The following GNA14 variants were observed in gnomAD, a reference collection of about 807,000 sequenced individuals.
GNA14 encodes G protein subunit alpha 14.
GNA14 carries 50 observed loss-of-function variants against 42.0 expected under a neutral mutation model. That is an observed-to-expected ratio of 1.19 (90% CI 0.95 to 1.51). GNA14 has a LOEUF of 1.51. Among genes scored for constraint, GNA14 ranks in the 40% most tolerant of loss-of-function variants. The pLI, the probability that GNA14 is intolerant of heterozygous loss-of-function variation, is 0.00. For synonymous variants in GNA14, 173 were observed against 163.1 expected (o/e 1.06, Z -0.46); for missense variants, 473 against 446.2 (o/e 1.06, Z -0.54).
At chr9:77,512,911 C>A (rs1167751063) in intron 2 of GNA14, among the ~76,000 whole-genome samples, 1 of 152,172 alleles carries the variant, frequency 6.6e-6, no homozygotes. Context: ...TAATCTCTGG[C>A]TTGTTTACTT....
chr9:77,636,779 G>A (rs528479489), intron 1 of GNA14, among the ~76,000 whole-genome samples: 1 of 152,234 alleles, frequency 6.6e-6, no homozygotes, highest in East Asian at 1.9e-4. Flanking sequence ...TAAACACCTC[G>A]CAGCAGGTCC....
intron 2 of GNA14, among the ~76,000 whole-genome samples, chr9:77,450,360 C>T (rs1235539426): frequency 6.6e-6 from 1 of 152,104 alleles, no homozygotes; most frequent in Admixed American, 6.6e-5. Flanking sequence ...GGGCAGAGAC[C>T]GTAATCCTCA....
chr9:77,598,067 T>G (rs1823495920), intron 1 of GNA14, among the ~76,000 whole-genome samples: 1 of 152,070 alleles, frequency 6.6e-6, no homozygotes, highest in Non-Finnish European at 1.5e-5. Flanking sequence ...AGCAAAAAAC[T>G]TTTTTGTCAA....
chr9:77,429,046 A>G lies in GNA14; in HGVS notation c.594-10T>C. 2 of 1,613,840 alleles carry G rather than the reference A, an allele frequency of 1.2e-6. No homozygotes were observed. The highest frequency in any genetic ancestry group is 1.7e-6 in the Non-Finnish European group (2 of 1,179,790). On this transcript the variant is annotated splice_polypyrimidine_tract_variant and intron_variant, in intron 4 of 6. Coordinates refer to ENST00000341700, the MANE Select transcript of GNA14 (RefSeq NM_004297.4). Reference sequence around the variant, plus strand: ...ACCAACATCCACCATCCTGTTGTGTAGAAACACAGATCCTTCAAAGGTTGG... The same window carrying G: ...ACCAACATCCACCATCCTGTTGTGTGGAAACACAGATCCTTCAAAGGTTGG...
chr9:77,605,997 T>C (rs1298409728), intron 1 of GNA14, among the ~76,000 whole-genome samples: 1 of 152,228 alleles, frequency 6.6e-6, no homozygotes, highest in African/African-American at 2.4e-5. Flanking sequence ...GATATCTCCC[T>C]TTCCTGTTAA....
rs76355580 is a variant in GNA14, at chr9:77,433,650, G to C, written c.464+718C>G. Among the ~76,000 whole-genome samples the C allele has an allele frequency of 6.1e-3, 933 of 152,214 alleles. 8 individuals carry two copies. The highest frequency in any genetic ancestry group is 0.015 in the African/African-American group (641 of 41,550). Reference sequence around the variant, plus strand: ...GTCCCTGGGATTACAGATGTGAACAGGAAATGCCCAAGAAAGTGAAAATCT... The same window carrying C: ...GTCCCTGGGATTACAGATGTGAACACGAAATGCCCAAGAAAGTGAAAATCT... On this transcript the variant is annotated intron_variant, in intron 3 of 6. Transcript: ENST00000341700.
intron 1 of GNA14, among the ~76,000 whole-genome samples, chr9:77,533,460 G>A (rs920254145): frequency 1.3e-5 from 2 of 152,234 alleles, no homozygotes; most frequent in African/African-American, 2.4e-5. Flanking sequence ...GATTACAGGC[G>A]TGAGCCACCA....
intron 1 of GNA14, among the ~76,000 whole-genome samples, chr9:77,541,940 A>G (rs1210297256): frequency 6.6e-6 from 1 of 151,952 alleles, no homozygotes; most frequent in Non-Finnish European, 1.5e-5. Context: ...CATATCCTGA[A>G]TTGTTTTTCT....
intron 2 of GNA14, 84 bp from the exon 3 acceptor site, chr9:77,434,606 T>C: frequency 7.9e-7 from 1 of 1,257,922 alleles, no homozygotes; most frequent in South Asian, 1.4e-5. Context: ...CTTGCCCTGG[T>C]CTGTGGATTT....
At chr9:77,446,422 A>ATCCTATTT (rs1835818658) in intron 2 of GNA14, among the ~76,000 whole-genome samples, 1 of 152,184 alleles carries the variant, frequency 6.6e-6, no homozygotes, top group Non-Finnish European at 1.5e-5. Flanking sequence ...GGTCCAGTAC[A>ATCCTATTT]TCCTATTTTG....
At chr9:77,563,229 T>C (rs776900544) in intron 1 of GNA14, among the ~76,000 whole-genome samples, 3 of 152,160 alleles carry the variant, frequency 2.0e-5, no homozygotes, top group Non-Finnish European at 2.9e-5. Context: ...CTAAGGCAGA[T>C]CCATTTTTCT....
chr9:77,572,577 T>A (rs1379119515), intron 1 of GNA14, among the ~76,000 whole-genome samples: 2 of 152,178 alleles, frequency 1.3e-5, no homozygotes, highest in Non-Finnish European at 2.9e-5. Context: ...TTTTTAAAAA[T>A]ATTTATGTCA....
intron 1 of GNA14, among the ~76,000 whole-genome samples, chr9:77,598,707 T>G (rs1823504431): frequency 6.6e-6 from 1 of 152,178 alleles, no homozygotes; most frequent in East Asian, 1.9e-4. Context: ...TCTTAGTAAT[T>G]CCTGATCTAA....
chr9:77,469,675 G>A (rs955072139), intron 2 of GNA14, among the ~76,000 whole-genome samples: 7 of 152,170 alleles, frequency 4.6e-5, no homozygotes, highest in Non-Finnish European at 4.4e-5. Context: ...TTACTTCCCA[G>A]AAAGAGACTG....
At chr9:77,472,621 C>A (rs951400091) in intron 2 of GNA14, among the ~76,000 whole-genome samples, 4 of 152,140 alleles carry the variant, frequency 2.6e-5, no homozygotes, top group Non-Finnish European at 4.4e-5. Context: ...TAGTTTTATA[C>A]ACTACTGTTA....
chr9:77,558,856 G>A (rs978185039), intron 1 of GNA14, among the ~76,000 whole-genome samples: 4 of 149,650 alleles, frequency 2.7e-5, no homozygotes, highest in Admixed American at 6.7e-5. Flanking sequence ...AAGCAATTTC[G>A]AAACACCTGA....
At chr9:77,471,549 T>C (rs1304770987) in intron 2 of GNA14, among the ~76,000 whole-genome samples, 2 of 152,094 alleles carry the variant, frequency 1.3e-5, no homozygotes, top group African/African-American at 4.8e-5. Flanking sequence ...AACAGCATCA[T>C]TATGAGAAGG....
At chr9:77,578,315 C>T (rs750709277) in intron 1 of GNA14, among the ~76,000 whole-genome samples, 10 of 152,150 alleles carry the variant, frequency 6.6e-5, no homozygotes, top group Non-Finnish European at 1.2e-4. Flanking sequence ...TTAAGTCTTG[C>T]TTGCCTTTTA....
At position 77,488,574 on chromosome 9, in the gene GNA14, G is replaced by C. The variant is rs566411990; in HGVS notation, c.309+40495C>G. ...GAGGTACATTCCACAGGTCCTCTGG[G>C]CACAAACACCTAGTGAGCCTTCCCA... is the stretch of plus-strand genomic sequence containing the variant. On this transcript the variant is annotated intron_variant, in intron 2 of 6. Transcript: ENST00000341700. Among the ~76,000 whole-genome samples the C allele has an allele frequency of 3.3e-5, 5 of 152,010 alleles. No individual in the cohort carries two copies. The East Asian group carries it at 9.6e-4, about 29-fold the overall frequency.
Sources: allele counts gnomAD v4.1 joint callset (sites outside exome capture counted in the v4.1 genomes callset), GRCh38; gene constraint gnomAD v4.1.1; transcripts MANE v1.5; gene names NCBI Gene and HGNC (gene_info 2026-07-23, HGNC 2026-07-21).